Variants in LOC128125817 observed in about 807,000 individuals in gnomAD.
At chr1:41,604,648 C>T in the LOC128125817 span, among the ~76,000 whole-genome samples, 1 of 152,200 alleles carries the variant, frequency 6.6e-6, no homozygotes, top group African/African-American at 2.4e-5. Flanking sequence ...TATGTCAGCA[C>T]CCTGATCTTA....
chr1:41,609,014 G>A, the LOC128125817 span, among the ~76,000 whole-genome samples: 1 of 152,106 alleles, frequency 6.6e-6, no homozygotes, highest in East Asian at 1.9e-4. Flanking sequence ...AACCTAGGAG[G>A]TGGAGGTTGC....
the LOC128125817 span, among the ~76,000 whole-genome samples, chr1:41,628,494 C>T: frequency 2.1e-4 from 32 of 152,172 alleles, no homozygotes; most frequent in African/African-American, 7.5e-4. Context: ...AACTGAGGTA[C>T]TGGGAGGGGG....
the LOC128125817 span, among the ~76,000 whole-genome samples, chr1:41,595,595 G>A: frequency 5.9e-5 from 9 of 152,194 alleles, no homozygotes; most frequent in Admixed American, 1.3e-4. Flanking sequence ...GGCTTGTGAT[G>A]ATTAATATCG....
chr1:41,587,333 T>G, the LOC128125817 span, among the ~76,000 whole-genome samples: 2 of 152,228 alleles, frequency 1.3e-5, no homozygotes, highest in Non-Finnish European at 2.9e-5. Context: ...AAAGGCCTCC[T>G]GTGACTTGTA....
At chr1:41,604,036 T>G in the LOC128125817 span, among the ~76,000 whole-genome samples, 1 of 152,260 alleles carries the variant, frequency 6.6e-6, no homozygotes, top group South Asian at 2.1e-4. Flanking sequence ...TGACGCCAAG[T>G]GTTGGCAAGG....
chr1:41,596,627 CT>C, the LOC128125817 span, among the ~76,000 whole-genome samples: 5 of 152,230 alleles, frequency 3.3e-5, no homozygotes, highest in Non-Finnish European at 7.3e-5. Context: ...TTTAAAAACA[CT>C]TAACTGACCA....
the LOC128125817 span, among the ~76,000 whole-genome samples, chr1:41,592,232 T>A: frequency 6.6e-6 from 1 of 152,258 alleles, no homozygotes; most frequent in South Asian, 2.1e-4. Context: ...ATGGGTCCGG[T>A]AACCTGTGGC....
chr1:41,593,484 A>G, the LOC128125817 span, among the ~76,000 whole-genome samples: 10,738 of 152,266 alleles, frequency 0.071, 1,109 homozygotes, highest in East Asian at 0.48. Context: ...GCTACATAGA[A>G]TATCTTCTGC....
At chr1:41,591,705 A>C in the LOC128125817 span, among the ~76,000 whole-genome samples, 1 of 151,976 alleles carries the variant, frequency 6.6e-6, no homozygotes, top group East Asian at 1.9e-4. Flanking sequence ...GATAATGACC[A>C]TTCAGTGAGG....
the LOC128125817 span, among the ~76,000 whole-genome samples, chr1:41,619,055 C>T: frequency 6.6e-6 from 1 of 152,056 alleles, no homozygotes; most frequent in African/African-American, 2.4e-5. Context: ...TTCGGCAGGA[C>T]AGCCCACTCC....
chr1:41,589,681 G>T, the LOC128125817 span, among the ~76,000 whole-genome samples: 2 of 152,194 alleles, frequency 1.3e-5, no homozygotes, highest in African/African-American at 2.4e-5. Context: ...AGACTGAGGA[G>T]CTGGGGTCCC....
At chr1:41,616,936 C>T in the LOC128125817 span, among the ~76,000 whole-genome samples, 1 of 152,154 alleles carries the variant, frequency 6.6e-6, no homozygotes. Context: ...AAAGGACAGG[C>T]ACTATTGCAA....
chr1:41,599,572 CA>C, the LOC128125817 span, among the ~76,000 whole-genome samples: 1 of 152,186 alleles, frequency 6.6e-6, no homozygotes, highest in African/African-American at 2.4e-5. Context: ...CTGAAAATGG[CA>C]AAAGTTAACT....
chr1:41,605,202 GAGGAAAGGA>G, the LOC128125817 span, among the ~76,000 whole-genome samples: 2 of 148,500 alleles, frequency 1.3e-5, no homozygotes, highest in African/African-American at 5.0e-5. Flanking sequence ...GAAGGGAAGG[GAGGAAAGGA>G]AGGAAAGGAA....
the LOC128125817 span, among the ~76,000 whole-genome samples, chr1:41,587,226 A>G: frequency 6.6e-6 from 1 of 152,226 alleles, no homozygotes; most frequent in Non-Finnish European, 1.5e-5. Context: ...GACGGATTCA[A>G]TGACATCCCT....
chr1:41,595,678 G>A, the LOC128125817 span, among the ~76,000 whole-genome samples: 1 of 152,154 alleles, frequency 6.6e-6, no homozygotes, highest in African/African-American at 2.4e-5. Flanking sequence ...TCAGTGGACT[G>A]GGAAAGGCAG....
At chr1:41,625,161 T>C in the LOC128125817 span, among the ~76,000 whole-genome samples, 3 of 13,542 alleles carry the variant, frequency 2.2e-4, no homozygotes, top group African/African-American at 3.8e-4. Context: ...AGATTCCAAC[T>C]CAAAAAAAAA....
chr1:41,618,021 C>A, the LOC128125817 span, among the ~76,000 whole-genome samples: 1 of 152,218 alleles, frequency 6.6e-6, no homozygotes, highest in African/African-American at 2.4e-5. Flanking sequence ...GCTCTCTCTG[C>A]CTGCTGGTTC....
At chr1:41,618,809 AT>A in the LOC128125817 span, among the ~76,000 whole-genome samples, 1 of 152,156 alleles carries the variant, frequency 6.6e-6, no homozygotes, top group Non-Finnish European at 1.5e-5. Context: ...GACTGAACAG[AT>A]GTGTCAGCCT....
Sources: gnomAD v4.1 joint callset for allele counts (sites outside exome capture counted in the v4.1 genomes callset) on GRCh38, gnomAD v4.1.1 for gene constraint, MANE v1.5 for transcripts.